KCNH1: variants seen among roughly 807,000 people sequenced by gnomAD.
The protein encoded by KCNH1 is voltage-gated delayed rectifier potassium channel KCNH1.
A neutral mutation model predicts 69.2 loss-of-function variants in KCNH1; 27 were observed. The observed-to-expected ratio is 0.39, with a 90% CI of 0.29 to 0.54. KCNH1 has a LOEUF of 0.54. KCNH1 is among the 20% of genes least tolerant of loss of function. The pLI is 0.68. For synonymous variants in KCNH1, 456 were observed against 487.7 expected, an observed-to-expected ratio of 0.93 and a Z score of 0.86; for missense variants, 798 against 1,261.6, an observed-to-expected ratio of 0.63 and a Z score of 5.57.
intron 6 of KCNH1, among the ~76,000 whole-genome samples, chr1:211,015,858 T>C (rs1571580493): frequency 1.3e-5 from 2 of 152,040 alleles, no homozygotes; most frequent in African/African-American, 4.8e-5. Context: ...ACCACCAGAG[T>C]TGTTATGAAA....
chr1:210,709,078 C>A (rs1447767547), intron 10 of KCNH1, among the ~76,000 whole-genome samples: 1 of 152,118 alleles, frequency 6.6e-6, no homozygotes, highest in Non-Finnish European at 1.5e-5. Flanking sequence ...TGGTGAAACC[C>A]CACCTCTACT....
In KCNH1 at chr1:210,778,488, G is replaced by A. The variant is rs545767557; in HGVS notation, c.1916-2944C>T. ...TGAGACTGCAGTGAGCTATAATTTG[G>A]CCACCGCACTCCAGCCTGGGCTACA... On this transcript the variant is annotated intron_variant, in intron 9 of 10. Transcript: ENST00000271751. Among the ~76,000 whole-genome samples, 32 of 146,262 alleles carry A rather than the reference G, an allele frequency of 2.2e-4. No homozygotes were observed. In the South Asian group the frequency reaches 6.4e-3, roughly 29 times the overall value.
intron 10 of KCNH1, among the ~76,000 whole-genome samples, chr1:210,713,429 G>C (rs1682127988): frequency 2.0e-5 from 3 of 151,972 alleles, no homozygotes; most frequent in Admixed American, 1.3e-4. Context: ...AATGTGGTCT[G>C]TTCTCTCCTT....
intron 9 of KCNH1, among the ~76,000 whole-genome samples, chr1:210,785,265 C>A (rs1013951089): frequency 6.6e-6 from 1 of 151,992 alleles, no homozygotes; most frequent in Non-Finnish European, 1.5e-5. Flanking sequence ...AATAAATAGA[C>A]AATTTTTCCA....
chr1:210,777,414 A>G (rs1487575266), intron 9 of KCNH1, among the ~76,000 whole-genome samples: 1 of 152,186 alleles, frequency 6.6e-6, no homozygotes, highest in Non-Finnish European at 1.5e-5. Context: ...GCTTCCAGGC[A>G]AATATGTCTT....
chr1:210,702,244 C>A (rs1300214323), intron 10 of KCNH1, among the ~76,000 whole-genome samples: 1 of 152,006 alleles, frequency 6.6e-6, no homozygotes, highest in Non-Finnish European at 1.5e-5. Context: ...CCTTGGTGGC[C>A]CTGCAATCTG....
intron 1 of KCNH1, among the ~76,000 whole-genome samples, chr1:211,113,604 C>G (rs971972910): frequency 6.6e-6 from 1 of 152,134 alleles, no homozygotes; most frequent in African/African-American, 2.4e-5. Context: ...GCCTGGCTCC[C>G]CATTTGACAC....
intron 6 of KCNH1, among the ~76,000 whole-genome samples, chr1:211,016,827 T>C (rs1382352986): frequency 7.0e-6 from 1 of 143,234 alleles, no homozygotes; most frequent in Admixed American, 7.5e-5. Context: ...GAGAATTGCC[T>C]GAACCTGGGA....
chr1:210,997,852 G>A (rs539540567), intron 6 of KCNH1, among the ~76,000 whole-genome samples: 23 of 152,166 alleles, frequency 1.5e-4, no homozygotes, highest in Non-Finnish European at 2.5e-4. Context: ...AGTGGGGGCC[G>A]ATATTCAACA....
chr1:210,777,198 G>C (rs779968413), intron 9 of KCNH1, among the ~76,000 whole-genome samples: 16 of 152,192 alleles, frequency 1.1e-4, no homozygotes, highest in Non-Finnish European at 2.1e-4. Context: ...TACATGGATA[G>C]AACTTGACTT....
chr1:210,958,067 T>C (rs1688214597), intron 6 of KCNH1, among the ~76,000 whole-genome samples: 1 of 152,344 alleles, frequency 6.6e-6, no homozygotes, highest in East Asian at 1.9e-4. Flanking sequence ...TTCCTTTCCA[T>C]GTTTAGTGCT....
intron 10 of KCNH1, among the ~76,000 whole-genome samples, chr1:210,765,216 G>A (rs968976505): frequency 6.6e-6 from 1 of 152,028 alleles, no homozygotes; most frequent in Non-Finnish European, 1.5e-5. Flanking sequence ...ACTGGGGGTG[G>A]GGGTACAGAA....
intron 7 of KCNH1, among the ~76,000 whole-genome samples, chr1:210,887,603 T>C (rs1395072462): frequency 6.6e-6 from 1 of 151,404 alleles, no homozygotes; most frequent in Non-Finnish European, 1.5e-5. Context: ...GACTGGCAAA[T>C]TGGATAAAGA....
intron 5 of KCNH1, among the ~76,000 whole-genome samples, chr1:211,029,207 C>A (rs1463678829): frequency 1.4e-5 from 2 of 147,288 alleles, no homozygotes; most frequent in Non-Finnish European, 3.0e-5. Context: ...GTGGTACATG[C>A]CTATAGTCCT....
intron 6 of KCNH1, among the ~76,000 whole-genome samples, chr1:211,002,287 T>C (rs1190926979): frequency 6.7e-6 from 1 of 148,340 alleles, no homozygotes; most frequent in African/African-American, 2.5e-5. Context: ...TACGTATGTA[T>C]ACATGTATAT....
intron 10 of KCNH1, among the ~76,000 whole-genome samples, chr1:210,721,034 A>T (rs944483077): frequency 6.6e-6 from 1 of 152,128 alleles, no homozygotes; most frequent in Admixed American, 6.6e-5. Context: ...ATACCCAAGT[A>T]CAACTCCTCA....
At chr1:211,006,187 T>A (rs780006916) in intron 6 of KCNH1, among the ~76,000 whole-genome samples, 4 of 152,140 alleles carry the variant, frequency 2.6e-5, no homozygotes, top group Non-Finnish European at 4.4e-5. Context: ...GGACAGCTGT[T>A]TGGCAGTATT....
intron 10 of KCNH1, among the ~76,000 whole-genome samples, chr1:210,735,041 C>T (rs1191496196): frequency 6.6e-6 from 1 of 152,094 alleles, no homozygotes; most frequent in African/African-American, 2.4e-5. Context: ...TGCCTTGGGC[C>T]CCACTGTTTA....
chr1:210,759,344 T>C (rs978781330), intron 10 of KCNH1, among the ~76,000 whole-genome samples: 5 of 151,900 alleles, frequency 3.3e-5, no homozygotes, highest in African/African-American at 1.2e-4. Flanking sequence ...ATGACAAACA[T>C]AGAATTCAGA....
Sources: gnomAD v4.1 joint callset for allele counts (sites outside exome capture counted in the v4.1 genomes callset) on GRCh38, gnomAD v4.1.1 for gene constraint, MANE v1.5 for transcripts, NCBI Gene and HGNC (gene_info 2026-07-23, HGNC 2026-07-21) for gene names.